Variants in RELN observed in about 807,000 individuals in gnomAD.
RELN encodes the protein reelin.
In RELN, 108 loss-of-function variants were observed where a neutral mutation model predicts 427.6. That is an observed-to-expected ratio of 0.25 (90% CI 0.22 to 0.30). RELN has a LOEUF of 0.30. Ranked by LOEUF, RELN falls within the 10% of genes least tolerant of loss-of-function variation. RELN has a pLI of 1.00. For missense variants in RELN, 3,715 were observed against 4,302.8 expected (o/e 0.86, Z 3.82); for synonymous variants, 1,524 against 1,513.4 (o/e 1.01, Z -0.16).
In RELN at chr7:103,542,795, G is replaced by T. The variant is rs1296074586; in HGVS notation, c.6607C>A (p.Leu2203Ile). 9 of 1,613,930 alleles carry T rather than the reference G, an allele frequency of 5.6e-6. No homozygotes were observed. The highest frequency in any genetic ancestry group is 1.3e-5 in the African/African-American group (1 of 74,894). Residue 2203 changes from leucine (L) to isoleucine (I), a missense_variant, in exon 43 of 65, where the codon CTC becomes ATC. Leu to Ile is a conservative substitution (Grantham distance 5). Coordinates refer to ENST00000428762, the MANE Select transcript of RELN (RefSeq NM_005045.4). ...CGCAAGCCATCTTCATTGAAAAAGAGGTTGTTTCCACTAGAAAGGATTCCA... is the reference window on the plus strand; with the variant it reads ...CGCAAGCCATCTTCATTGAAAAAGATGTTGTTTCCACTAGAAAGGATTCCA... Reference protein sequence around the residue: ...KCGILSSGNNLFFNEDGLRML... With the variant: ...KCGILSSGNNIFFNEDGLRML...
chr7:103,779,138 G>A (rs1313422727), intron 3 of RELN, among the ~76,000 whole-genome samples: 1 of 152,200 alleles, frequency 6.6e-6, no homozygotes, highest in Non-Finnish European at 1.5e-5. Flanking sequence ...TTTTCCAAAT[G>A]TGTTCCACAG....
chr7:103,989,304 C>G lies in RELN; in HGVS notation c.53G>C (p.Gly18Ala). The stretch of plus-strand genomic sequence containing the variant: ...CGCCGCGCGCGCCCTCAGCGTCGCC[C>G]CCAGCAACAGCGCTAGGAGGAAAGT... ...RQTFLLALLL[G>A]ATLRARAAAG... Residue 18 changes from glycine (G) to alanine (A), a missense_variant, in exon 1 of 65, where the codon GGG becomes GCG. Physicochemically the swap from Gly to Ala is moderately conservative, Grantham distance 60. Transcript: ENST00000428762. The surrounding 1 kb of genome is among the most constrained non-coding windows in gnomAD (Gnocchi z 4.9). 1 of 1,612,394 alleles carries G rather than the reference C, an allele frequency of 6.2e-7. No individual in the cohort carries two copies. Among genetic ancestry groups the G allele is most frequent in the African/African-American group, 1.3e-5 (1 of 74,874 alleles).
intron 11 of RELN, among the ~76,000 whole-genome samples, chr7:103,673,629 T>C (rs1833443555): frequency 6.6e-6 from 1 of 152,198 alleles, no homozygotes; most frequent in Non-Finnish European, 1.5e-5. Context: ...GAGAGGGTGG[T>C]AAACTTTCTG....
chr7:103,935,987 T>C (rs999103604), intron 1 of RELN, among the ~76,000 whole-genome samples: 8 of 152,064 alleles, frequency 5.3e-5, no homozygotes, highest in South Asian at 2.1e-4. Flanking sequence ...CCACACCCAT[T>C]CCTAATACTG....
chr7:103,840,898 T>C (rs1793536253), intron 2 of RELN, among the ~76,000 whole-genome samples: 1 of 152,210 alleles, frequency 6.6e-6, no homozygotes, highest in South Asian at 2.1e-4. Context: ...AAAACAATAA[T>C]TTAACTATGC....
intron 12 of RELN, among the ~76,000 whole-genome samples, chr7:103,660,329 C>T (rs894097382): frequency 6.6e-6 from 1 of 152,092 alleles, no homozygotes; most frequent in Non-Finnish European, 1.5e-5. Flanking sequence ...GAGCTCTGGG[C>T]CTTTAAATAG....
At chr7:103,825,516 T>C (rs1318025822) in intron 3 of RELN, among the ~76,000 whole-genome samples, 1 of 152,296 alleles carries the variant, frequency 6.6e-6, no homozygotes, top group East Asian at 1.9e-4. Flanking sequence ...GAAGTTATGA[T>C]GGTTCAAGTT....
Position 103,635,530 on chromosome 7 carries a change from G to A in RELN, c.2360C>T (p.Ala787Val), listed in dbSNP as rs1248084722. The change falls in exon 19 of 65, where the codon GCC becomes GTC. Residue 787 changes from alanine (A) to valine (V), a missense_variant. Physicochemically the swap from Ala to Val is moderately conservative, Grantham distance 64. This residue lies in a region of RELN where 2,208 missense variants were observed against 2,361.7 expected (regional missense o/e 0.93). Transcript: ENST00000428762. Reference protein sequence around the residue: ...GSKSVLSTCRAPDQPGEGVLL... With the variant: ...GSKSVLSTCRVPDQPGEGVLL... ...AACTCCTTCACCAGGCTGATCAGGG[G>A]CTCTGCACGTGCTCAGAACAGATTT... is the stretch of plus-strand genomic sequence containing the variant. 6.2e-6 allele frequency: 10 copies of A among 1,613,818 alleles called. No individual in the cohort carries two copies. Among genetic ancestry groups the A allele is most frequent in the African/African-American group, 1.3e-5 (1 of 74,896 alleles).
chr7:103,747,405 A>C (rs1386283002), intron 6 of RELN, among the ~76,000 whole-genome samples: 1 of 144,518 alleles, frequency 6.9e-6, no homozygotes, highest in African/African-American at 2.6e-5. Context: ...CTAAAACTTA[A>C]AGTATAATAA....
intron 2 of RELN, among the ~76,000 whole-genome samples, chr7:103,842,138 A>C (rs1793566467): frequency 6.6e-6 from 1 of 152,184 alleles, no homozygotes; most frequent in Non-Finnish European, 1.5e-5. Flanking sequence ...TTATCACCTT[A>C]TGTCTACATA....
In RELN at chr7:103,953,379, T is replaced by G. The variant is rs141520776; in HGVS notation, c.226+35752A>C. Reference sequence around the variant, plus strand: ...CTCTGCCACAGACCATCAAGAAGACTCAAGACAACTCAGATAACGTGATTC... The same window carrying G: ...CTCTGCCACAGACCATCAAGAAGACGCAAGACAACTCAGATAACGTGATTC... On this transcript the variant is annotated intron_variant, in intron 1 of 64. Transcript: ENST00000428762. This position sits in a 1 kb window ranked among gnomAD's most constrained non-coding sequence, Gnocchi z 4.3. Among the ~76,000 whole-genome samples the G allele has an allele frequency of 6.6e-6, 1 of 152,172 alleles. No individual in the cohort carries two copies. Among genetic ancestry groups the G allele is most frequent in the African/African-American group, 2.4e-5 (1 of 41,446 alleles).
chr7:103,812,928 T>A (rs1792778711), intron 3 of RELN, among the ~76,000 whole-genome samples: 1 of 152,198 alleles, frequency 6.6e-6, no homozygotes, highest in South Asian at 2.1e-4. Context: ...CTAGACACAT[T>A]TGCTTGAATA....
chr7:103,980,737 T>C (rs1050844596), intron 1 of RELN, among the ~76,000 whole-genome samples: 2 of 152,348 alleles, frequency 1.3e-5, no homozygotes, highest in Middle Eastern at 3.4e-3. Flanking sequence ...CTGGCACATA[T>C]TAAGTGCTAC....
At chr7:103,742,870 T>C (rs959117084) in intron 6 of RELN, among the ~76,000 whole-genome samples, 1 of 152,038 alleles carries the variant, frequency 6.6e-6, no homozygotes, top group Non-Finnish European at 1.5e-5. Flanking sequence ...TTCCCCAATC[T>C]AGCAAGGCAG....
At chr7:103,888,458 A>G (rs547246231) in intron 2 of RELN, among the ~76,000 whole-genome samples, 19 of 152,312 alleles carry the variant, frequency 1.2e-4, no homozygotes, top group African/African-American at 4.6e-4. Context: ...CTGAATCAGA[A>G]ACTACTTTAG....
chr7:103,693,924 C>A (rs1833924220), intron 10 of RELN, among the ~76,000 whole-genome samples: 4 of 152,100 alleles, frequency 2.6e-5, no homozygotes, highest in Admixed American at 2.6e-4. Flanking sequence ...TATTTTAATA[C>A]TTTTTCTTCC....
intron 28 of RELN, among the ~76,000 whole-genome samples, chr7:103,587,860 T>G (rs893342274): frequency 6.6e-6 from 1 of 152,014 alleles, no homozygotes; most frequent in African/African-American, 2.4e-5. Context: ...TGGTTATTAT[T>G]CAAAAGACAA....
chr7:103,929,929 G>A lies in RELN; in HGVS notation c.227-12744C>T, dbSNP rs537917467. ...AAGTGCCACAAGTGTTGATTTTGAGGTCACAAATACATTTTAGTCAATAGA... is the reference window on the plus strand; with the variant it reads ...AAGTGCCACAAGTGTTGATTTTGAGATCACAAATACATTTTAGTCAATAGA... On this transcript the variant is annotated intron_variant, in intron 1 of 64. Coordinates refer to ENST00000428762, the MANE Select transcript of RELN (RefSeq NM_005045.4). Among the ~76,000 whole-genome samples the A allele has an allele frequency of 5.5e-4, 84 of 152,306 alleles. 1 individual carries two copies. Among genetic ancestry groups the A allele is most frequent in the Middle Eastern group, 3.4e-3 (1 of 294 alleles).
At chr7:103,825,629 T>A (rs264371) in intron 3 of RELN, among the ~76,000 whole-genome samples, 75,900 of 151,746 alleles carry the variant, frequency 0.5, 19,260 homozygotes, top group Admixed American at 0.6. Context: ...TTTGGGGAAA[T>A]GATAACAGAT....
Sources: allele counts gnomAD v4.1 joint callset (sites outside exome capture counted in the v4.1 genomes callset), GRCh38; gene constraint gnomAD v4.1.1; regional missense constraint gnomAD v4.1.1; non-coding constraint Gnocchi (gnomAD v3.1); transcripts MANE v1.5; gene names NCBI Gene and HGNC (gene_info 2026-07-23, HGNC 2026-07-21).